The following AGBL1 variants were observed in gnomAD, a reference collection of about 807,000 sequenced individuals.
The protein encoded by AGBL1 is AGBL carboxypeptidase 1.
AGBL1 carries 130 observed loss-of-function variants against 118.9 expected under a neutral mutation model. The observed-to-expected ratio is 1.09, with a 90% CI of 0.95 to 1.26. The LOEUF is 1.26. AGBL1 is among the 50% of genes most tolerant of loss of function. AGBL1 has a pLI of 0.00. For missense variants in AGBL1, 1,584 were observed against 1,298.1 expected (o/e 1.22, Z -3.38); for synonymous variants, 555 against 478.9 (o/e 1.16, Z -2.08).
chr15:86,938,456 AACC>A, intron 23 of AGBL1, among the ~76,000 whole-genome samples: 1 of 152,152 alleles, frequency 6.6e-6, no homozygotes, highest in Non-Finnish European at 1.5e-5. Context: ...TTTTGGAGAA[AACC>A]AAAGTGTTGT....
At chr15:86,283,661 G>C (rs751127386) in intron 16 of AGBL1, among the ~76,000 whole-genome samples, 10 of 152,150 alleles carry the variant, frequency 6.6e-5, no homozygotes, top group African/African-American at 9.7e-5. Context: ...AAGATGCAAT[G>C]AGCAGGCCAT....
chr15:86,336,061 C>T (rs2080363041), intron 17 of AGBL1, among the ~76,000 whole-genome samples: 1 of 152,166 alleles, frequency 6.6e-6, no homozygotes, highest in Non-Finnish European at 1.5e-5. Context: ...AAGTTAGCTT[C>T]CTGTCTGGCA....
chr15:86,764,674 A>G (rs1175681713), intron 22 of AGBL1, among the ~76,000 whole-genome samples: 2 of 152,078 alleles, frequency 1.3e-5, no homozygotes, highest in African/African-American at 4.8e-5. Flanking sequence ...TCAACTCTGC[A>G]AAGACTTCCC....
At chr15:86,510,942 C>T (rs563156198) in intron 18 of AGBL1, among the ~76,000 whole-genome samples, 27 of 152,060 alleles carry the variant, frequency 1.8e-4, no homozygotes, top group African/African-American at 4.3e-4. Context: ...ATTGTCAGAA[C>T]GAGAGAGACA....
intron 18 of AGBL1, among the ~76,000 whole-genome samples, chr15:86,428,356 C>T (rs1596102687): frequency 6.6e-6 from 1 of 152,244 alleles, no homozygotes; most frequent in East Asian, 1.9e-4. Flanking sequence ...TTAACTATCC[C>T]AAAGTAGGGG....
chr15:86,451,360 G>A (rs2082190197), intron 18 of AGBL1, among the ~76,000 whole-genome samples: 1 of 152,268 alleles, frequency 6.6e-6, no homozygotes, highest in South Asian at 2.1e-4. Context: ...TAGAGACCTT[G>A]TTCTTTGCAT....
intron 21 of AGBL1, among the ~76,000 whole-genome samples, chr15:86,609,073 C>T (rs763002947): frequency 1.6e-4 from 25 of 152,232 alleles, no homozygotes; most frequent in African/African-American, 5.3e-4. Flanking sequence ...CTAAACTGTG[C>T]GGGTTGGCTC....
At chr15:86,373,813 C>T (rs2081001043) in intron 17 of AGBL1, among the ~76,000 whole-genome samples, 1 of 152,216 alleles carries the variant, frequency 6.6e-6, no homozygotes, top group Non-Finnish European at 1.5e-5. Context: ...GCATAATTAA[C>T]ATCTGTAGCC....
At chr15:86,567,736 A>G (rs555465770) in intron 21 of AGBL1, among the ~76,000 whole-genome samples, 1 of 152,280 alleles carries the variant, frequency 6.6e-6, no homozygotes, top group South Asian at 2.1e-4. Flanking sequence ...CTCAAACCTT[A>G]GTGTGCATGA....
At chr15:86,187,851 G>T (rs193149531) in intron 5 of AGBL1, among the ~76,000 whole-genome samples, 2 of 152,116 alleles carry the variant, frequency 1.3e-5, no homozygotes, top group Admixed American at 6.6e-5. Context: ...CTTCCCTAAG[G>T]CTTGCTCAAA....
intron 22 of AGBL1, among the ~76,000 whole-genome samples, chr15:86,863,456 C>G (rs188327525): frequency 2.6e-5 from 4 of 151,994 alleles, no homozygotes; most frequent in Admixed American, 1.3e-4. Context: ...GTCTCATCCA[C>G]AGCATGGCCA....
At chr15:86,588,302 T>TA (rs1465818808) in intron 21 of AGBL1, among the ~76,000 whole-genome samples, 1 of 152,194 alleles carries the variant, frequency 6.6e-6, no homozygotes, top group East Asian at 1.9e-4. Context: ...CTACAGGTCT[T>TA]ATCAAAGACC....
intron 17 of AGBL1, among the ~76,000 whole-genome samples, chr15:86,393,224 A>G (rs1001773361): frequency 2.0e-5 from 3 of 152,200 alleles, no homozygotes; most frequent in Non-Finnish European, 2.9e-5. Flanking sequence ...TGACTCTCCA[A>G]TGGAAAGAGA....
intron 17 of AGBL1, among the ~76,000 whole-genome samples, chr15:86,326,714 A>ACAACAG (rs1425752110): frequency 6.6e-6 from 1 of 152,188 alleles, no homozygotes; most frequent in African/African-American, 2.4e-5. Context: ...TTGTTTACAG[A>ACAACAG]CAACAGCATT....
At chr15:87,016,429 G>A (rs2081608662) in intron 24 of AGBL1, among the ~76,000 whole-genome samples, 2 of 152,156 alleles carry the variant, frequency 1.3e-5, no homozygotes, top group African/African-American at 4.8e-5. Flanking sequence ...TTGCTAGGCT[G>A]AGAAGAGGTG....
At chr15:86,332,382 C>T (rs2080284518) in intron 17 of AGBL1, among the ~76,000 whole-genome samples, 1 of 152,172 alleles carries the variant, frequency 6.6e-6, no homozygotes, top group Non-Finnish European at 1.5e-5. Flanking sequence ...CGCAGTGGCT[C>T]ACGCCTGTAA....
chr15:86,200,726 C>T (rs1039023972), intron 5 of AGBL1, among the ~76,000 whole-genome samples: 2 of 151,942 alleles, frequency 1.3e-5, no homozygotes, highest in African/African-American at 4.8e-5. Flanking sequence ...AAGCAATTCT[C>T]CTGCTTCAGC....
At chr15:86,892,220 C>T (rs978717416) in intron 22 of AGBL1, among the ~76,000 whole-genome samples, 4 of 152,160 alleles carry the variant, frequency 2.6e-5, no homozygotes, top group African/African-American at 9.6e-5. Flanking sequence ...TTTTATTCTA[C>T]ATTCCCATTT....
intron 19 of AGBL1, among the ~76,000 whole-genome samples, chr15:86,540,106 A>G (rs1012016290): frequency 2.0e-5 from 3 of 152,234 alleles, no homozygotes; most frequent in East Asian, 1.9e-4. Context: ...GAGCATAATA[A>G]TAGCACCTAC....
Sources: gnomAD v4.1 joint callset for allele counts (sites outside exome capture counted in the v4.1 genomes callset) on GRCh38, gnomAD v4.1.1 for gene constraint, MANE v1.5 for transcripts, NCBI Gene and HGNC (gene_info 2026-07-23, HGNC 2026-07-21) for gene names.